The following PIP5K1B variants were observed in gnomAD, a reference collection of about 807,000 sequenced individuals.
PIP5K1B encodes phosphatidylinositol-4-phosphate 5-kinase type 1 beta.
A neutral mutation model predicts 67.0 loss-of-function variants in PIP5K1B; 42 were observed. The observed-to-expected ratio is 0.63, with a 90% CI of 0.49 to 0.81. The LOEUF is 0.81. Ranked by LOEUF, PIP5K1B falls within the 30% of genes least tolerant of loss-of-function variation. PIP5K1B has a pLI of 0.00. For missense variants in PIP5K1B, 459 were observed against 646.3 expected, an observed-to-expected ratio of 0.71 and a Z score of 3.14; for synonymous variants, 214 against 231.4, an observed-to-expected ratio of 0.92 and a Z score of 0.68.
intron 2 of PIP5K1B, among the ~76,000 whole-genome samples, chr9:68,768,321 T>G (rs568639483): frequency 1.3e-5 from 2 of 152,222 alleles, no homozygotes; most frequent in African/African-American, 4.8e-5. Context: ...TTCATATGTA[T>G]GTGACACACC....
chr9:68,757,886 G>T (rs1397514628), intron 2 of PIP5K1B, among the ~76,000 whole-genome samples: 1 of 152,068 alleles, frequency 6.6e-6, no homozygotes. Context: ...TGGATAGAAT[G>T]CATGAAGCAG....
intron 2 of PIP5K1B, among the ~76,000 whole-genome samples, chr9:68,802,631 T>C (rs575148837): frequency 6.6e-6 from 1 of 152,224 alleles, no homozygotes; most frequent in South Asian, 2.1e-4. Context: ...AGAGGATTCA[T>C]ACGAGGAAGT....
chr9:68,778,219 T>C (rs576807521), intron 2 of PIP5K1B, among the ~76,000 whole-genome samples: 49 of 152,256 alleles, frequency 3.2e-4, no homozygotes, highest in Non-Finnish European at 7.1e-4. Context: ...GTAGTGCCTT[T>C]TGCAATTTTT....
chr9:68,993,087 G>A (rs1310148619), intron 15 of PIP5K1B, among the ~76,000 whole-genome samples: 4 of 151,970 alleles, frequency 2.6e-5, no homozygotes, highest in South Asian at 2.1e-4. Flanking sequence ...GCGTGAACCC[G>A]GGAGGCGGAG....
rs1827065884 is a variant in PIP5K1B, at chr9:68,705,296, C to T, written c.-709C>T. 6.6e-6 allele frequency: 1 copy of T among 151,518 alleles called. No individual in the cohort carries two copies. The highest frequency in any genetic ancestry group is 1.5e-5 in the Non-Finnish European group (1 of 67,748). 9.4% of individuals were successfully genotyped at this position (151,518 alleles called of 1,614,324 possible). A position where few individuals can be genotyped will look rare whatever the true frequency, so the allele number is the denominator to read the frequency against. On this transcript the variant is annotated 5_prime_UTR_variant, in exon 1 of 16. Transcript: ENST00000265382. ...ACCAAGCGGGAACCCGCGCCCGAGC[C>T]CGGCGGGCGCCGCTGCTGCTCCTCT...
intron 2 of PIP5K1B, among the ~76,000 whole-genome samples, chr9:68,775,196 A>G (rs1342366756): frequency 6.6e-6 from 1 of 152,154 alleles, no homozygotes; most frequent in Admixed American, 6.5e-5. Context: ...CATCTTCACT[A>G]AGCACTTATC....
intron 4 of PIP5K1B, among the ~76,000 whole-genome samples, chr9:68,857,234 GC>G (rs1822824971): frequency 1.3e-5 from 2 of 152,128 alleles, no homozygotes; most frequent in African/African-American, 4.8e-5. Context: ...ATTTTTTTAA[GC>G]CACTAAGCTT....
intron 2 of PIP5K1B, among the ~76,000 whole-genome samples, chr9:68,758,366 A>T (rs1483107593): frequency 6.6e-6 from 1 of 152,194 alleles, no homozygotes; most frequent in African/African-American, 2.4e-5. Flanking sequence ...ACAAGTAAAA[A>T]CAATCACTTC....
chr9:68,837,615 T>TG (rs1564173572), intron 4 of PIP5K1B, among the ~76,000 whole-genome samples: 8 of 146,844 alleles, frequency 5.4e-5, no homozygotes, highest in Non-Finnish European at 1.2e-4. Flanking sequence ...GTGTTTTTTT[T>TG]TTTTTTTTTT....
chr9:68,769,382 A>T (rs1830576435), intron 2 of PIP5K1B, among the ~76,000 whole-genome samples: 1 of 152,130 alleles, frequency 6.6e-6, no homozygotes, highest in Non-Finnish European at 1.5e-5. Context: ...TCTAGCTTAT[A>T]TTCTACATCT....
chr9:68,884,139 A>C (rs1824336702), intron 6 of PIP5K1B, among the ~76,000 whole-genome samples: 1 of 152,146 alleles, frequency 6.6e-6, no homozygotes, highest in Admixed American at 6.5e-5. Context: ...AAAAAGTAAA[A>C]ATAGATCAAA....
At chr9:68,805,165 A>G (rs553718049) in intron 2 of PIP5K1B, among the ~76,000 whole-genome samples, 117 of 152,276 alleles carry the variant, frequency 7.7e-4, no homozygotes, top group African/African-American at 2.7e-3. Flanking sequence ...CACCTGCCAC[A>G]TTTGCAGAGG....
chr9:68,799,255 C>T (rs1340474387), intron 2 of PIP5K1B, among the ~76,000 whole-genome samples: 1 of 152,202 alleles, frequency 6.6e-6, no homozygotes, highest in African/African-American at 2.4e-5. Flanking sequence ...AATACTGAAA[C>T]TCTCTATCTG....
chr9:68,976,998 T>C (rs1248602853), intron 14 of PIP5K1B, among the ~76,000 whole-genome samples: 1 of 152,202 alleles, frequency 6.6e-6, no homozygotes, highest in Non-Finnish European at 1.5e-5. Flanking sequence ...AACCCTGTTT[T>C]CAATGTGTGC....
intron 14 of PIP5K1B, among the ~76,000 whole-genome samples, chr9:68,969,123 C>T (rs987427084): frequency 7.9e-5 from 12 of 152,042 alleles, no homozygotes; most frequent in African/African-American, 2.4e-4. Flanking sequence ...AATCCCAGCA[C>T]TTTGGGAGGC....
chr9:68,729,617 A>G (rs773695409), intron 1 of PIP5K1B, among the ~76,000 whole-genome samples: 10 of 152,148 alleles, frequency 6.6e-5, no homozygotes, highest in Non-Finnish European at 8.8e-5. Flanking sequence ...ACAAGAACTA[A>G]CCTTTATTTG....
At chr9:68,725,825 G>A (rs947154158) in intron 1 of PIP5K1B, among the ~76,000 whole-genome samples, 5 of 152,160 alleles carry the variant, frequency 3.3e-5, no homozygotes, top group African/African-American at 1.2e-4. Context: ...GTCCAAACTA[G>A]GACATAATTC....
In PIP5K1B at chr9:68,856,215, A is replaced by G. The variant is rs181019707; in HGVS notation, c.70-7622A>G. 2.8e-4 allele frequency among the ~76,000 whole-genome samples: 43 copies of G among 152,262 alleles called. No individual in the cohort carries two copies. The East Asian group carries it at 7.3e-3, about 26-fold the overall frequency. Reference sequence around the variant, plus strand: ...TGGCACTTTCCCTGTTACCCGACTAATGAACTCATATGATTTGCTTTCAGG... The same window carrying G: ...TGGCACTTTCCCTGTTACCCGACTAGTGAACTCATATGATTTGCTTTCAGG... On this transcript the variant is annotated intron_variant, in intron 4 of 15. Coordinates refer to ENST00000265382, the MANE Select transcript of PIP5K1B (RefSeq NM_003558.4).
At chr9:68,755,681 TG>T (rs1829891616) in intron 2 of PIP5K1B, among the ~76,000 whole-genome samples, 1 of 152,210 alleles carries the variant, frequency 6.6e-6, no homozygotes, top group Non-Finnish European at 1.5e-5. Context: ...TACAATCACA[TG>T]TGTTTTTCCT....
Sources: gnomAD v4.1 joint callset for allele counts (sites outside exome capture counted in the v4.1 genomes callset) on GRCh38, gnomAD v4.1.1 for gene constraint, MANE v1.5 for transcripts, NCBI Gene and HGNC (gene_info 2026-07-23, HGNC 2026-07-21) for gene names.